ENPP3: variants seen among roughly 807,000 people sequenced by gnomAD.
ENPP3 encodes the protein ectonucleotide pyrophosphatase/phosphodiesterase family member 3.
In ENPP3, 104 loss-of-function variants were observed where a neutral mutation model predicts 117.8. The observed-to-expected ratio is 0.88, with a 90% CI of 0.75 to 1.04. The LOEUF (loss-of-function observed/expected upper bound fraction) is 1.04, where lower values mean the gene tolerates loss of function less well. Ranked by LOEUF, ENPP3 falls within the 50% of genes least tolerant of loss-of-function variation. The probability of loss-of-function intolerance (pLI) is 0.00; values close to 1 mark genes in which losing one functional copy is unlikely to be tolerated. For missense variants in ENPP3, 1,026 were observed against 1,051.9 expected, an observed-to-expected ratio of 0.98 and a Z score of 0.34; for synonymous variants, 380 against 349.9, an observed-to-expected ratio of 1.09 and a Z score of -0.96.
intron 14 of ENPP3, among the ~76,000 whole-genome samples, chr6:131,690,444 G>A (rs753478891): frequency 6.6e-6 from 1 of 152,176 alleles, no homozygotes; most frequent in Non-Finnish European, 1.5e-5. Context: ...AGGATCATTG[G>A]CATTTTAAGC....
chr6:131,740,893 A>G (rs1044556019), intron 24 of ENPP3, among the ~76,000 whole-genome samples: 1 of 152,164 alleles, frequency 6.6e-6, no homozygotes, highest in African/African-American at 2.4e-5. Context: ...CTACTGTGTA[A>G]TAGAACCACC....
At chr6:131,641,579 T>C in intron 2 of ENPP3, 49 bp downstream of exon 2, 1 of 1,202,610 alleles carries the variant, frequency 8.3e-7, no homozygotes. Context: ...TCTTCTCTCT[T>C]CTGGCCTTAA....
At position 131,700,382 on chromosome 6, in the gene ENPP3, G is replaced by A; in HGVS notation, c.1412+6758G>A. 7.0e-6 allele frequency: 3 copies of A among 426,540 alleles called. 1 individual carries two copies. The highest frequency in any genetic ancestry group is 1.1e-5 in the Non-Finnish European group (3 of 264,930). 26.4% of individuals were successfully genotyped at this position (426,540 alleles called of 1,614,324 possible). On this transcript the variant is annotated intron_variant, in intron 15 of 24. Coordinates refer to ENST00000357639, the MANE Select transcript of ENPP3 (RefSeq NM_005021.5). ...ATAATTCTCATGTCCATTGAGGGCA[G>A]AGGTCCCACCAGTGCAGAGATGGGT...
chr6:131,691,287 T>G (rs1159725349), intron 14 of ENPP3, among the ~76,000 whole-genome samples: 1 of 152,092 alleles, frequency 6.6e-6, no homozygotes, highest in Non-Finnish European at 1.5e-5. Flanking sequence ...CTATTTATTC[T>G]GAGATAAAAT....
intron 15 of ENPP3, chr6:131,701,000 G>A (rs1316144737): frequency 1.8e-6 from 1 of 559,474 alleles, no homozygotes; most frequent in African/African-American, 4.7e-5. Context: ...TCCAGGTCAT[G>A]ATGGCCAAAT....
chr6:131,668,871 A>G (rs537229764), intron 6 of ENPP3, among the ~76,000 whole-genome samples: 1 of 152,346 alleles, frequency 6.6e-6, no homozygotes, highest in East Asian at 1.9e-4. Context: ...GGAAGAAACC[A>G]TGGTAGAAGA....
At chr6:131,685,259 AGTTT>A (rs1432878773) in intron 12 of ENPP3, 101 bp from the exon 13 acceptor site, 4 of 998,030 alleles carry the variant, frequency 4.0e-6, no homozygotes, top group Non-Finnish European at 6.0e-6. Flanking sequence ...AGTGAAGCTT[AGTTT>A]GAGATCTGTA....
At chr6:131,637,501 G>T in intron 1 of ENPP3, 39 bp downstream of exon 1, 2 of 1,203,248 alleles carry the variant, frequency 1.7e-6, no homozygotes, top group South Asian at 2.9e-5. Context: ...CTAGTTTTGT[G>T]ACAAATGTTA....
intron 1 of ENPP3, among the ~76,000 whole-genome samples, chr6:131,638,914 G>A (rs1367885691): frequency 1.3e-5 from 2 of 151,284 alleles, no homozygotes; most frequent in African/African-American, 4.9e-5. Flanking sequence ...CTCTCATTCA[G>A]CCTCTTGAGT....
chr6:131,647,027 C>T (rs1778167126), intron 2 of ENPP3, among the ~76,000 whole-genome samples: 1 of 147,840 alleles, frequency 6.8e-6, no homozygotes, highest in African/African-American at 2.5e-5. Flanking sequence ...GCACGTGCCA[C>T]TGCACCCATC....
At chr6:131,737,830 A>G (rs1780431962) in intron 22 of ENPP3, among the ~76,000 whole-genome samples, 1 of 152,194 alleles carries the variant, frequency 6.6e-6, no homozygotes, top group Non-Finnish European at 1.5e-5. Context: ...ATTTCAAGAC[A>G]ATAACTACAA....
At chr6:131,726,324 G>A (rs1780153948) in intron 20 of ENPP3, 124 bp downstream of exon 20, 2 of 752,972 alleles carry the variant, frequency 2.7e-6, no homozygotes, top group Non-Finnish European at 4.3e-6. Flanking sequence ...CCTGTAGCTT[G>A]CAAGACAATG....
Position 131,747,128 on chromosome 6 carries a change from A to G in ENPP3, c.*172A>G. ...TCTTTTTTCAATTCTATGAATATGT[A>G]TTATTTTAAAGTTATATTTTTCACA... On this transcript the variant is annotated 3_prime_UTR_variant, in exon 25 of 25. Transcript: ENST00000357639. 1 of 439,910 alleles carries G rather than the reference A, an allele frequency of 2.3e-6. No individual in the cohort carries two copies. Among genetic ancestry groups the G allele is most frequent in the East Asian group, 3.8e-5 (1 of 26,636 alleles). 27.3% of individuals were successfully genotyped at this position (439,910 alleles called of 1,614,324 possible).
intron 15 of ENPP3, among the ~76,000 whole-genome samples, chr6:131,716,305 T>G (rs1480123932): frequency 6.6e-6 from 1 of 152,082 alleles, no homozygotes; most frequent in Admixed American, 6.5e-5. Context: ...CATGAGGAGG[T>G]AGAGAGCAAA....
At chr6:131,702,492 CTG>C (rs1481889484) in intron 15 of ENPP3, among the ~76,000 whole-genome samples, 3 of 152,140 alleles carry the variant, frequency 2.0e-5, no homozygotes, top group Non-Finnish European at 4.4e-5. Context: ...TAGATTTGCA[CTG>C]TGTCATTATC....
chr6:131,640,376 C>T (rs1210749800), intron 1 of ENPP3, among the ~76,000 whole-genome samples: 1 of 152,134 alleles, frequency 6.6e-6, no homozygotes, highest in Admixed American at 6.6e-5. Context: ...CCATCCTCTC[C>T]ACTGAATGAA....
chr6:131,727,687 T>G (rs1413813674), intron 20 of ENPP3, among the ~76,000 whole-genome samples: 1 of 152,192 alleles, frequency 6.6e-6, no homozygotes, highest in Non-Finnish European at 1.5e-5. Flanking sequence ...CAGTAAGTGC[T>G]TATTGAATGA....
At position 131,671,303 on chromosome 6, in the gene ENPP3, C is replaced by T. The variant is rs1006375417; in HGVS notation, c.618C>T (p.Phe206=). Residue 206 remains phenylalanine, a synonymous_variant, in exon 7 of 25, where the codon TTC becomes TTT. Transcript: ENST00000357639. ...YMRAMYPTKT[F]PNHYTIVTGL... ...GAGCTATGTATCCTACCAAAACCTT[C>T]CCAAATCATTACACCATTGTCACGG... 23 of 1,604,932 alleles carry T rather than the reference C, an allele frequency of 1.4e-5. No homozygotes were observed. Among genetic ancestry groups the T allele is most frequent in the Non-Finnish European group, 1.9e-5 (22 of 1,171,768 alleles).
chr6:131,740,335 A>T lies in ENPP3; in HGVS notation c.2412A>T (p.Leu804=). Reference sequence around the variant, plus strand: ...ACTGCCCTGGGTGGCTGGATGTCCTACCCTTTATCATCCCTCACCGACCTA... The same window carrying T: ...ACTGCCCTGGGTGGCTGGATGTCCTTCCCTTTATCATCCCTCACCGACCTA... ...PENCPGWLDV[L]PFIIPHRPTN... is the part of the protein sequence containing the mutation. The change falls in exon 24 of 25, where the codon CTA becomes CTT. Residue 804 remains leucine, a synonymous_variant. Coordinates refer to ENST00000357639, the MANE Select transcript of ENPP3 (RefSeq NM_005021.5). 1 of 1,612,190 alleles carries T rather than the reference A, an allele frequency of 6.2e-7. No homozygotes were observed. Among genetic ancestry groups the T allele is most frequent in the Non-Finnish European group, 8.5e-7 (1 of 1,179,056 alleles).
Sources: gnomAD v4.1 joint callset for allele counts (sites outside exome capture counted in the v4.1 genomes callset) on GRCh38, gnomAD v4.1.1 for gene constraint, MANE v1.5 for transcripts, NCBI Gene and HGNC (gene_info 2026-07-23, HGNC 2026-07-21) for gene names.